ASB3: variants seen among roughly 807,000 people sequenced by gnomAD.
ASB3 encodes the protein ankyrin repeat and SOCS box containing 3.
In ASB3, 41 loss-of-function variants were observed where a neutral mutation model predicts 54.5. The observed-to-expected ratio is 0.75, with a 90% confidence interval of 0.59 to 0.98. The LOEUF (loss-of-function observed/expected upper bound fraction) is 0.98, where lower values mean the gene tolerates loss of function less well. Ranked by LOEUF, ASB3 falls within the 50% of genes least tolerant of loss-of-function variation. The probability of loss-of-function intolerance (pLI) is 0.00; values close to 1 mark genes in which losing one functional copy is unlikely to be tolerated. For missense variants in ASB3, 733 were observed against 620.0 expected, an observed-to-expected ratio of 1.18 and a Z score of -1.94; for synonymous variants, 266 against 221.2, an observed-to-expected ratio of 1.20 and a Z score of -1.80.
At chr2:53,707,348 A>G (rs1237964598) in intron 7 of ASB3, among the ~76,000 whole-genome samples, 1 of 152,204 alleles carries the variant, frequency 6.6e-6, no homozygotes, top group African/African-American at 2.4e-5. Context: ...CTTGTTAGAA[A>G]TGCAGAGTAT....
At chr2:53,728,943 C>T in intron 4 of ASB3, 96 bp from the exon 5 acceptor site, 2 of 1,360,736 alleles carry the variant, frequency 1.5e-6, no homozygotes, top group East Asian at 2.4e-5. Flanking sequence ...TTTATCCTCT[C>T]ACTAAAGGAT....
intron 2 of ASB3, chr2:53,756,921 G>C (rs1162016403): frequency 1.3e-5 from 2 of 153,742 alleles, no homozygotes; most frequent in African/African-American, 4.8e-5. Flanking sequence ...TAAGTGCCTG[G>C]GGTTCATCCT....
At chr2:53,688,250 C>T (rs2103702083) in intron 9 of ASB3, among the ~76,000 whole-genome samples, 1 of 152,338 alleles carries the variant, frequency 6.6e-6, no homozygotes, top group African/African-American at 2.4e-5. Context: ...TAATACAACA[C>T]AGGTTTACTT....
rs1667755580 is a variant in ASB3 at position 53,670,530 on chromosome 2, T to A, written c.1530A>T (p.Pro510=). ...YEDVLRMYEV[P]ELAAIQDG ...ATCCATCTTGAATAGCTGCCAGTTC[T>A]GGAACTTCATACATCCTCAGAACGT... The change falls in exon 10 of 10, where the codon CCA becomes CCT. Residue 510 remains proline, a synonymous_variant. Coordinates refer to ENST00000263634, the MANE Select transcript of ASB3 (RefSeq NM_016115.5). 1 of 1,613,820 alleles carries A rather than the reference T, an allele frequency of 6.2e-7. No individual in the cohort carries two copies. Among genetic ancestry groups the A allele is most frequent in the Non-Finnish European group, 8.5e-7 (1 of 1,179,980 alleles).
intron 1 of ASB3, among the ~76,000 whole-genome samples, chr2:53,775,746 G>T (rs1478051166): frequency 6.6e-6 from 1 of 152,214 alleles, no homozygotes; most frequent in Non-Finnish European, 1.5e-5. Context: ...AAAGTGCTAG[G>T]ATTACAGGTG....
chr2:53,727,755 T>TC (rs1671085952), intron 5 of ASB3, among the ~76,000 whole-genome samples: 1 of 152,172 alleles, frequency 6.6e-6, no homozygotes. Context: ...AGACAGAGTC[T>TC]CCCTCTGTTG....
chr2:53,728,936 A>G (rs1422464315), intron 4 of ASB3, 89 bp from the exon 5 acceptor site: 1 of 1,400,176 alleles, frequency 7.1e-7, no homozygotes. Flanking sequence ...TTTCTTTTTT[A>G]TCCTCTCACT....
chr2:53,716,688 A>G lies in ASB3; in HGVS notation c.660T>C (p.Ala220=). The G allele has an allele frequency of 6.2e-7, 1 of 1,614,156 alleles. No homozygotes were observed. The highest frequency in any genetic ancestry group is 8.5e-7 in the Non-Finnish European group (1 of 1,180,014). Residue 220 remains alanine (A), a synonymous_variant, in exon 6 of 10, where the codon GCT becomes GCC. Transcript: ENST00000263634. The part of the protein sequence containing the change: ...LDKATPLFIA[A]QEGHTKCVEL... Reference sequence around the variant, plus strand: ...CCACACATTTTGTGTGTCCCTCTTGAGCAGCAATGAACAAGGGTGTAGCTT... The same window carrying G: ...CCACACATTTTGTGTGTCCCTCTTGGGCAGCAATGAACAAGGGTGTAGCTT...
chr2:53,751,104 A>G lies in ASB3; in HGVS notation c.197-163T>C, dbSNP rs191197445. On this transcript the variant is annotated intron_variant, in intron 2 of 9. Transcript: ENST00000263634. ...CTATAGAAAATCAAGAAAAAGTTCT[A>G]CAGAGATCCCACTGTGAACAGCTCT... Among the ~76,000 whole-genome samples the G allele has an allele frequency of 8.5e-5, 13 of 152,290 alleles. No homozygotes were observed. In the East Asian group the frequency reaches 2.5e-3, roughly 29 times the overall value.
intron 2 of ASB3, 132 bp downstream of exon 2, chr2:53,765,245 A>T (rs764315407): frequency 7.8e-7 from 1 of 1,275,198 alleles, no homozygotes; most frequent in Non-Finnish European, 1.1e-6. Context: ...CTTAATAAAT[A>T]AATTCAGGCA....
chr2:53,678,327 C>T (rs1388107371), intron 9 of ASB3, among the ~76,000 whole-genome samples: 1 of 152,100 alleles, frequency 6.6e-6, no homozygotes, highest in African/African-American at 2.4e-5. Flanking sequence ...GCCTTCAACC[C>T]GGTAACCCAG....
At chr2:53,762,714 A>C (rs1572989516) in intron 2 of ASB3, among the ~76,000 whole-genome samples, 1 of 152,184 alleles carries the variant, frequency 6.6e-6, no homozygotes, top group Non-Finnish European at 1.5e-5. Flanking sequence ...AAATCTCAAC[A>C]CCCATTACAC....
At chr2:53,785,894 A>G (rs1229775749) in intron 1 of ASB3, among the ~76,000 whole-genome samples, 1 of 152,254 alleles carries the variant, frequency 6.6e-6, no homozygotes, top group Non-Finnish European at 1.5e-5. Context: ...ATTAAGCATT[A>G]ATAAGAAGTG....
intron 3 of ASB3, among the ~76,000 whole-genome samples, chr2:53,740,309 G>C (rs1480279115): frequency 6.6e-6 from 1 of 152,054 alleles, no homozygotes; most frequent in Non-Finnish European, 1.5e-5. Flanking sequence ...ACCAAAAAAG[G>C]AACATTTGTA....
intron 1 of ASB3, chr2:53,774,035 A>C: frequency 7.8e-7 from 1 of 1,277,780 alleles, no homozygotes; most frequent in Non-Finnish European, 1.1e-6. Context: ...CTTCATCTCA[A>C]AAACAAACAG....
chr2:53,685,441 C>G (rs1377490477), intron 9 of ASB3, among the ~76,000 whole-genome samples: 2 of 152,208 alleles, frequency 1.3e-5, no homozygotes, highest in Non-Finnish European at 2.9e-5. Flanking sequence ...AACTAAGGAA[C>G]TACTTGTCCA....
intron 9 of ASB3, among the ~76,000 whole-genome samples, chr2:53,686,581 C>G (rs1277865752): frequency 6.6e-6 from 1 of 152,052 alleles, no homozygotes; most frequent in African/African-American, 2.4e-5. Context: ...AAATATCCTA[C>G]AGTGAATAAA....
At chr2:53,679,715 T>C (rs748099138) in intron 9 of ASB3, among the ~76,000 whole-genome samples, 1 of 152,202 alleles carries the variant, frequency 6.6e-6, no homozygotes, top group Non-Finnish European at 1.5e-5. Flanking sequence ...CAAAGAACTA[T>C]GTTCACTTTA....
intron 1 of ASB3, among the ~76,000 whole-genome samples, chr2:53,777,789 T>C (rs1257185220): frequency 6.6e-6 from 1 of 152,214 alleles, no homozygotes; most frequent in Admixed American, 6.5e-5. Context: ...AAAATGTGTT[T>C]GTGCCTTTTT....
Sources: gnomAD v4.1 joint callset for allele counts (sites outside exome capture counted in the v4.1 genomes callset) on GRCh38, gnomAD v4.1.1 for gene constraint, MANE v1.5 for transcripts, NCBI Gene and HGNC (gene_info 2026-07-23, HGNC 2026-07-21) for gene names.